The following SCAPER variants were observed in gnomAD, a reference collection of about 807,000 sequenced individuals.
SCAPER encodes the protein S phase cyclin A-associated protein in the endoplasmic reticulum.
SCAPER carries 98 observed loss-of-function variants against 182.2 expected under a neutral mutation model. The observed-to-expected ratio is 0.54, with a 90% confidence interval of 0.46 to 0.64. The LOEUF is 0.64. Among genes scored for constraint, SCAPER ranks in the 30% least tolerant of loss-of-function variants. The pLI is 0.00. For synonymous variants in SCAPER, 605 were observed against 564.6 expected, an observed-to-expected ratio of 1.07 and a Z score of -1.01; for missense variants, 1,432 against 1,690.0, an observed-to-expected ratio of 0.85 and a Z score of 2.68.
intron 17 of SCAPER, among the ~76,000 whole-genome samples, chr15:76,715,667 C>A (rs2059853271): frequency 6.6e-6 from 1 of 152,112 alleles, no homozygotes; most frequent in Non-Finnish European, 1.5e-5. Flanking sequence ...TCACCCACAG[C>A]CTGAGCTACC....
chr15:76,673,174 T>C (rs1450611094), intron 20 of SCAPER, among the ~76,000 whole-genome samples: 1 of 152,088 alleles, frequency 6.6e-6, no homozygotes, highest in Non-Finnish European at 1.5e-5. Context: ...TAGAGAATAT[T>C]ATTATCACAA....
intron 26 of SCAPER, among the ~76,000 whole-genome samples, chr15:76,427,580 A>G (rs2046524951): frequency 6.6e-6 from 1 of 152,100 alleles, no homozygotes; most frequent in Admixed American, 6.6e-5. Flanking sequence ...GTACAGTCAC[A>G]CATGCTTGTA....
At chr15:76,353,120 C>T (rs926713533) in intron 30 of SCAPER, among the ~76,000 whole-genome samples, 1 of 152,108 alleles carries the variant, frequency 6.6e-6, no homozygotes, top group Non-Finnish European at 1.5e-5. Flanking sequence ...CTATCATATC[C>T]TTTTGACAGA....
intron 8 of SCAPER, among the ~76,000 whole-genome samples, chr15:76,786,968 A>G (rs1305503663): frequency 6.6e-6 from 1 of 152,216 alleles, no homozygotes; most frequent in Non-Finnish European, 1.5e-5. Flanking sequence ...AATGCTGATG[A>G]AAGAAACAGA....
chr15:76,440,024 A>T lies in SCAPER; in HGVS notation c.3079-5714T>A, dbSNP rs116211611. Among the ~76,000 whole-genome samples the T allele has an allele frequency of 3.7e-3, 561 of 152,374 alleles. 7 individuals are homozygous for T. The highest frequency in any genetic ancestry group is 0.013 in the African/African-American group (542 of 41,592). On this transcript the variant is annotated intron_variant, in intron 25 of 31. Coordinates refer to ENST00000563290, the MANE Select transcript of SCAPER (RefSeq NM_020843.4). ...GATTTCATGTACATAATCTTATTGTAAAATTTCCCATTCCCCTCAAAAGAT... is the reference window on the plus strand; with the variant it reads ...GATTTCATGTACATAATCTTATTGTTAAATTTCCCATTCCCCTCAAAAGAT...
At chr15:76,670,957 G>A (rs1217771330) in intron 20 of SCAPER, among the ~76,000 whole-genome samples, 1 of 152,128 alleles carries the variant, frequency 6.6e-6, no homozygotes, top group Non-Finnish European at 1.5e-5. Flanking sequence ...TTCTGAAGAT[G>A]GAAAGCATGT....
rs1262264892 is a variant in SCAPER, at chr15:76,376,159, T to TA, written c.3855+2dup. ...GTCTAAGGAACTTTCCAGGGCCTCTTACCTGGTTATCTGGGTGGTTGACAG... is the reference window on the plus strand; with the variant it reads ...GTCTAAGGAACTTTCCAGGGCCTCTTAACCTGGTTATCTGGGTGGTTGACAG... On this transcript the variant is annotated splice_region_variant and intron_variant, in intron 29 of 31. Coordinates refer to ENST00000563290, the MANE Select transcript of SCAPER (RefSeq NM_020843.4). The TA allele has an allele frequency of 6.2e-7, 1 of 1,613,842 alleles. No individual in the cohort carries two copies. The highest frequency in any genetic ancestry group is 8.5e-7 in the Non-Finnish European group (1 of 1,179,764).
At chr15:76,703,914 A>C (rs2059103866) in intron 18 of SCAPER, among the ~76,000 whole-genome samples, 1 of 152,174 alleles carries the variant, frequency 6.6e-6, no homozygotes, top group South Asian at 2.1e-4. Flanking sequence ...AAATAGTAAA[A>C]TACAGTCTTC....
At chr15:76,699,906 C>T (rs368986064) in intron 20 of SCAPER, among the ~76,000 whole-genome samples, 2 of 152,302 alleles carry the variant, frequency 1.3e-5, no homozygotes, top group East Asian at 1.9e-4. Flanking sequence ...ATACCTGCAC[C>T]GGTGCCAGTA....
intron 17 of SCAPER, among the ~76,000 whole-genome samples, chr15:76,712,518 T>G (rs1885806226): frequency 6.6e-6 from 1 of 152,204 alleles, no homozygotes; most frequent in African/African-American, 2.4e-5. Flanking sequence ...AATCTATAAA[T>G]TACCTTGGGC....
chr15:76,610,442 C>T (rs1011896752), intron 22 of SCAPER, among the ~76,000 whole-genome samples: 10 of 151,982 alleles, frequency 6.6e-5, no homozygotes, highest in Non-Finnish European at 1.5e-4. Context: ...CTAACCAGAG[C>T]AATTAAGCAA....
intron 1 of SCAPER, among the ~76,000 whole-genome samples, chr15:76,899,255 C>G (rs1013679897): frequency 1.3e-5 from 2 of 152,226 alleles, no homozygotes; most frequent in Non-Finnish European, 2.9e-5. Flanking sequence ...ACCTCCCTGC[C>G]TCAGGCTCCG....
intron 21 of SCAPER, among the ~76,000 whole-genome samples, chr15:76,635,828 C>T (rs1396376467): frequency 1.3e-5 from 2 of 152,082 alleles, no homozygotes; most frequent in East Asian, 3.8e-4. Flanking sequence ...GGTTTATGTT[C>T]CCCTTCATTC....
intron 21 of SCAPER, among the ~76,000 whole-genome samples, chr15:76,652,647 G>T (rs2055269362): frequency 1.3e-5 from 2 of 150,642 alleles, no homozygotes; most frequent in Admixed American, 6.7e-5. Context: ...GGAGGCAGAG[G>T]TTTCAGTGAG....
intron 4 of SCAPER, among the ~76,000 whole-genome samples, chr15:76,850,850 A>G: frequency 7.2e-6 from 1 of 138,150 alleles, no homozygotes; most frequent in East Asian, 2.1e-4. Flanking sequence ...AAAGAGCAAG[A>G]CTCTGTCTCA....
At chr15:76,353,020 T>C (rs1353267247) in intron 30 of SCAPER, among the ~76,000 whole-genome samples, 1 of 152,122 alleles carries the variant, frequency 6.6e-6, no homozygotes, top group Non-Finnish European at 1.5e-5. Flanking sequence ...TACAGGATAG[T>C]TTGGAAAACA....
intron 2 of SCAPER, among the ~76,000 whole-genome samples, chr15:76,863,313 T>A (rs907120373): frequency 1.3e-5 from 2 of 152,230 alleles, no homozygotes; most frequent in Non-Finnish European, 2.9e-5. Context: ...AGCCTCCTTA[T>A]CTAATCCTTA....
rs1305542291 is a variant in SCAPER at position 76,381,427 on chromosome 15, C to T, written c.3656G>A (p.Ser1219Asn). ...TGCAAAGCTGTTGAAGAAACGTAAA[C>T]TCTGAATGGCCACTTGGATGGTATT... ...TQNTIQVAIQ[S>N]LRFFNSFAAL... The change falls in exon 28 of 32, where the codon AGT (serine) becomes AAT (asparagine). Residue 1219 changes from serine to asparagine, a missense_variant. This residue lies in a region of SCAPER where 718 missense variants were observed against 799.7 expected (regional missense o/e 0.90). Transcript: ENST00000563290. 1.9e-6 allele frequency: 3 copies of T among 1,613,712 alleles called. No homozygotes were observed. In the Admixed American group the frequency reaches 5.0e-5, roughly 27 times the overall value.
Position 76,684,043 on chromosome 15 carries a change from G to A in SCAPER, c.2508+17715C>T, listed in dbSNP as rs184084038. 6.8e-4 allele frequency among the ~76,000 whole-genome samples: 104 copies of A among 152,214 alleles called. 1 individual carries two copies. Among genetic ancestry groups the A allele is most frequent in the Non-Finnish European group, 1.1e-3 (78 of 68,004 alleles). On this transcript the variant is annotated intron_variant, in intron 20 of 31. Transcript: ENST00000563290. ...TAAGGGAATTCATTACCACAGACCT[G>A]CCTTATAAGAGGTCCTTAAGGGAGT...
Sources: gnomAD v4.1 joint callset for allele counts (sites outside exome capture counted in the v4.1 genomes callset) on GRCh38, gnomAD v4.1.1 for gene constraint, gnomAD v4.1.1 regional missense constraint, MANE v1.5 for transcripts, NCBI Gene and HGNC (gene_info 2026-07-23, HGNC 2026-07-21) for gene names.